Variants in DAPK2 observed in about 807,000 individuals in gnomAD.
DAPK2 encodes the protein death-associated protein kinase 2.
A neutral mutation model predicts 44.1 loss-of-function variants in DAPK2; 35 were observed. The observed-to-expected ratio is 0.79, with a 90% confidence interval of 0.61 to 1.05. The LOEUF (loss-of-function observed/expected upper bound fraction) is 1.05. Ranked by LOEUF, DAPK2 falls within the 50% of genes least tolerant of loss-of-function variation. The pLI is 0.00. For missense variants in DAPK2, 453 were observed against 483.2 expected, an observed-to-expected ratio of 0.94 and a Z score of 0.59; for synonymous variants, 174 against 182.6, an observed-to-expected ratio of 0.95 and a Z score of 0.38.
intron 2 of DAPK2, among the ~76,000 whole-genome samples, chr15:63,975,138 C>T (rs927960937): frequency 1.2e-4 from 18 of 152,066 alleles, no homozygotes; most frequent in African/African-American, 4.1e-4. Context: ...GGTATCCAGC[C>T]AGCATGTGCT....
intron 4 of DAPK2, among the ~76,000 whole-genome samples, chr15:63,933,003 A>G (rs1216199859): frequency 6.6e-6 from 1 of 152,224 alleles, no homozygotes; most frequent in Admixed American, 6.5e-5. Context: ...ATTTTAAACA[A>G]TTATTGAAAC....
chr15:63,944,688 G>A (rs927509400), intron 3 of DAPK2, among the ~76,000 whole-genome samples: 7 of 152,154 alleles, frequency 4.6e-5, no homozygotes, highest in African/African-American at 1.7e-4. Context: ...ACAATCAGTG[G>A]GGAGCAGTGG....
intron 4 of DAPK2, among the ~76,000 whole-genome samples, chr15:63,930,903 T>G (rs2079529544): frequency 6.6e-6 from 1 of 151,962 alleles, no homozygotes; most frequent in Non-Finnish European, 1.5e-5. Flanking sequence ...CACAAAACAT[T>G]TTTTAAAATT....
intron 2 of DAPK2, among the ~76,000 whole-genome samples, chr15:63,979,813 G>A (rs753642212): frequency 3.3e-5 from 5 of 152,138 alleles, no homozygotes; most frequent in South Asian, 4.1e-4. Context: ...CTACACAGGA[G>A]GCTAAGGCAC....
chr15:64,034,983 C>T (rs2080137294), intron 1 of DAPK2, among the ~76,000 whole-genome samples: 1 of 152,150 alleles, frequency 6.6e-6, no homozygotes, highest in Non-Finnish European at 1.5e-5. Context: ...ACCTGGCCAA[C>T]ATGGTGAAAC....
rs1255403146 is a variant in DAPK2 at position 64,046,240 on chromosome 15, T to C, written c.-7+58A>G. ...CGCCAGCCCCAGACCCGGGCGCTGCTGCCGTCAGGCCGCGCGCCCCGTCCC... is the reference window on the plus strand; with the variant it reads ...CGCCAGCCCCAGACCCGGGCGCTGCCGCCGTCAGGCCGCGCGCCCCGTCCC... On this transcript the variant is annotated intron_variant, in intron 1 of 11. Coordinates refer to the DAPK2 transcript ENST00000457488. The surrounding 1 kb of genome is among the most constrained non-coding windows in gnomAD (Gnocchi z 5.3). 1.3e-6 allele frequency: 1 copy of C among 762,490 alleles called. No individual in the cohort carries two copies. Among genetic ancestry groups the C allele is most frequent in the East Asian group, 1.3e-4 (1 of 7,764 alleles). The allele number at this position is 762,490 out of a possible 1,614,324, so 47.2% of individuals were successfully genotyped here.
chr15:64,005,238 G>C (rs965559550), intron 1 of DAPK2, among the ~76,000 whole-genome samples: 1 of 151,860 alleles, frequency 6.6e-6, no homozygotes, highest in Non-Finnish European at 1.5e-5. Flanking sequence ...TCTCAGGAGG[G>C]GTATCCAGTT....
chr15:64,025,536 T>C (rs2079814478), intron 1 of DAPK2, among the ~76,000 whole-genome samples: 1 of 152,202 alleles, frequency 6.6e-6, no homozygotes, highest in Admixed American at 6.5e-5. Context: ...CACTGCACCT[T>C]CACTTTCATC....
intron 3 of DAPK2, among the ~76,000 whole-genome samples, chr15:63,953,739 C>A (rs1394057054): frequency 6.6e-6 from 1 of 152,192 alleles, no homozygotes; most frequent in Non-Finnish European, 1.5e-5. Flanking sequence ...TTCCCACCAA[C>A]AGTGTACGAG....
chr15:63,983,461 T>TG, intron 2 of DAPK2, 72 bp downstream of exon 3: 1 of 1,446,636 alleles, frequency 6.9e-7, no homozygotes, highest in African/African-American at 1.4e-5. Flanking sequence ...CTGGGGCCTG[T>TG]GGCTGGAGTT....
intron 3 of DAPK2, among the ~76,000 whole-genome samples, chr15:63,957,344 T>C (rs2077753257): frequency 1.3e-5 from 2 of 152,094 alleles, no homozygotes; most frequent in Admixed American, 6.5e-5. Context: ...CAACATATCA[T>C]TGGGTCTGGT....
chr15:63,989,044 G>A (rs28660107), intron 1 of DAPK2, among the ~76,000 whole-genome samples: 40,134 of 151,384 alleles, frequency 0.27, 6,320 homozygotes, highest in East Asian at 0.82. Flanking sequence ...GCCAGGCATG[G>A]TGGTGCAAGC....
intron 1 of DAPK2, among the ~76,000 whole-genome samples, chr15:63,988,557 T>A (rs2078727225): frequency 6.7e-6 from 1 of 149,696 alleles, no homozygotes; most frequent in African/African-American, 2.5e-5. Context: ...CAGGATGGAG[T>A]ACGGTGGCGC....
At chr15:63,927,480 G>A (rs2079327504) in intron 6 of DAPK2, among the ~76,000 whole-genome samples, 2 of 152,232 alleles carry the variant, frequency 1.3e-5, no homozygotes, top group South Asian at 2.1e-4. Flanking sequence ...TAAACCTTCA[G>A]CAGTCCAGCA....
chr15:64,038,780 T>C (rs1451275320), intron 1 of DAPK2, among the ~76,000 whole-genome samples: 1 of 151,816 alleles, frequency 6.6e-6, no homozygotes, highest in Non-Finnish European at 1.5e-5. Flanking sequence ...TAGACACTTG[T>C]GAAAAGAAAA....
chr15:63,981,583 C>T (rs1038787307), intron 2 of DAPK2, among the ~76,000 whole-genome samples: 1 of 151,022 alleles, frequency 6.6e-6, no homozygotes, highest in Non-Finnish European at 1.5e-5. Flanking sequence ...TTGAGAGGAA[C>T]CACAGAAAAA....
intron 2 of DAPK2, among the ~76,000 whole-genome samples, chr15:63,971,789 G>A (rs1447903418): frequency 2.6e-5 from 4 of 152,248 alleles, no homozygotes; most frequent in Non-Finnish European, 5.9e-5. Context: ...CACCCTGGAG[G>A]TGTTGTCAGA....
intron 1 of DAPK2, among the ~76,000 whole-genome samples, chr15:63,986,829 C>T (rs187995456): frequency 6.7e-5 from 10 of 149,072 alleles, no homozygotes; most frequent in African/African-American, 2.5e-4. Context: ...TTTAAAAGCC[C>T]GCTGGGTAAC....
intron 8 of DAPK2, 22 bp downstream of exon 9, chr15:63,924,794 G>C (rs753128494): frequency 2.5e-6 from 4 of 1,613,900 alleles, no homozygotes; most frequent in Non-Finnish European, 3.4e-6. Context: ...TTGCCCATTG[G>C]AACTCATGGC....
Sources: gnomAD v4.1 joint callset for allele counts (sites outside exome capture counted in the v4.1 genomes callset) on GRCh38, gnomAD v4.1.1 for gene constraint, Gnocchi (gnomAD v3.1) non-coding constraint, MANE v1.5 for transcripts, NCBI Gene and HGNC (gene_info 2026-07-23, HGNC 2026-07-21) for gene names.